LARP1: variants seen among roughly 807,000 people sequenced by gnomAD.
LARP1 encodes the protein la-related protein 1.
In LARP1, 36 loss-of-function variants were observed where a neutral mutation model predicts 122.7. The ratio of observed to expected loss-of-function variants is 0.29; its 90% CI spans 0.22 to 0.39. The LOEUF (loss-of-function observed/expected upper bound fraction) is 0.39, where lower values mean the gene tolerates loss of function less well. LARP1 is among the 10% of genes least tolerant of loss of function. The pLI, the probability that LARP1 is intolerant of heterozygous loss-of-function variation, is 1.00. For missense variants in LARP1, 1,040 were observed against 1,403.6 expected (o/e 0.74, Z 4.14); for synonymous variants, 539 against 528.7 (o/e 1.02, Z -0.27).
chr5:154,796,753 A>G (rs1757891091), intron 8 of LARP1, among the ~76,000 whole-genome samples: 1 of 152,198 alleles, frequency 6.6e-6, no homozygotes, highest in Non-Finnish European at 1.5e-5. Context: ...CTCTTCAAGA[A>G]GTAACTTTGC....
At chr5:154,798,213 A>G (rs1758046278) in intron 8 of LARP1, among the ~76,000 whole-genome samples, 1 of 152,240 alleles carries the variant, frequency 6.6e-6, no homozygotes. Flanking sequence ...TCAGCATGGT[A>G]TAGTCATAGA....
intron 1 of LARP1, among the ~76,000 whole-genome samples, chr5:154,719,725 G>A (rs779955592): frequency 3.3e-5 from 5 of 151,898 alleles, no homozygotes; most frequent in African/African-American, 1.2e-4. Context: ...AGCTGGACAC[G>A]GTGGCACATG....
At chr5:154,792,550 C>T (rs965190584) in intron 3 of LARP1, 72 bp from the exon 4 acceptor site, 114 of 1,388,948 alleles carry the variant, frequency 8.2e-5, no homozygotes, top group Non-Finnish European at 1.0e-4. Flanking sequence ...CTTCTAGTGA[C>T]AGGGAGTGCC....
chr5:154,706,707 A>G (rs953556828), intron 1 of LARP1, among the ~76,000 whole-genome samples: 5 of 152,080 alleles, frequency 3.3e-5, no homozygotes, highest in Admixed American at 6.6e-5. Flanking sequence ...CCCTGAACCT[A>G]AAATAAAAGT....
At position 154,804,436 on chromosome 5, in the gene LARP1, AC is replaced by A. The variant is rs1324247141; in HGVS notation, c.2546+131del. ...CCCTCATCTAAGAGGTTTTCAAAAA[AC>A]CAGTGGTGTGGAAAGCTCAGCCCAG... On this transcript the variant is annotated intron_variant, in intron 14 of 18. Transcript: ENST00000518297. 2.1e-5 allele frequency: 15 copies of A among 717,650 alleles called. No homozygotes were observed. In the African/African-American group the frequency reaches 2.3e-4, roughly 11 times the overall value. The allele number at this position is 717,650 out of a possible 1,614,324, so 44.5% of individuals were successfully genotyped here.
At chr5:154,748,894 A>AG (rs1351869284) in intron 1 of LARP1, among the ~76,000 whole-genome samples, 1 of 152,210 alleles carries the variant, frequency 6.6e-6, no homozygotes, top group Admixed American at 6.5e-5. Flanking sequence ...TGGGGCCCAC[A>AG]GGGGTTTACA....
intron 10 of LARP1, 21 bp from the exon 11 acceptor site, chr5:154,801,986 C>G: frequency 6.3e-7 from 1 of 1,584,794 alleles, no homozygotes; most frequent in South Asian, 1.2e-5. Flanking sequence ...TTCCTTTTCC[C>G]CTTCGTCTGT....
At chr5:154,692,988 A>ATTTTTTTT (rs113484244) in intron 1 of LARP1, among the ~76,000 whole-genome samples, 1 of 141,972 alleles carries the variant, frequency 7.0e-6, no homozygotes, top group Non-Finnish European at 1.5e-5. Flanking sequence ...TTAATTTTTA[A>ATTTTTTTT]TTATTTTTTT....
intron 1 of LARP1, among the ~76,000 whole-genome samples, chr5:154,707,321 C>T (rs1036290838): frequency 6.6e-6 from 1 of 152,182 alleles, no homozygotes; most frequent in South Asian, 2.1e-4. Flanking sequence ...TATTTTTCAA[C>T]CCCTTGCAGT....
intron 1 of LARP1, among the ~76,000 whole-genome samples, chr5:154,759,435 A>C (rs975791732): frequency 6.6e-6 from 1 of 152,226 alleles, no homozygotes; most frequent in African/African-American, 2.4e-5. Context: ...CATGAAGGGC[A>C]TGGATGGATA....
chr5:154,707,038 T>C (rs1315013256), intron 1 of LARP1, among the ~76,000 whole-genome samples: 1 of 152,222 alleles, frequency 6.6e-6, no homozygotes, highest in African/African-American at 2.4e-5. Context: ...AAAATGCTTT[T>C]GTCTGTCTCT....
intron 1 of LARP1, among the ~76,000 whole-genome samples, chr5:154,758,212 T>A (rs1754159199): frequency 6.6e-6 from 1 of 152,008 alleles, no homozygotes; most frequent in South Asian, 2.1e-4. Flanking sequence ...CCAGGAGCCC[T>A]TGATAGTGTG....
At chr5:154,806,376 CAT>C (rs1350459194) in intron 15 of LARP1, among the ~76,000 whole-genome samples, 2 of 152,314 alleles carry the variant, frequency 1.3e-5, no homozygotes, top group South Asian at 2.1e-4. Flanking sequence ...TAAGAGGTGA[CAT>C]ATGCTCTCTA....
intron 1 of LARP1, chr5:154,685,936 G>A (rs4958759): frequency 4.2e-6 from 2 of 477,890 alleles, no homozygotes; most frequent in South Asian, 3.2e-5. Context: ...TCGTGATTCG[G>A]TTAATCCTCC....
chr5:154,747,083 T>C (rs910025232), intron 1 of LARP1, among the ~76,000 whole-genome samples: 25 of 151,926 alleles, frequency 1.6e-4, no homozygotes, highest in Non-Finnish European at 7.4e-5. Flanking sequence ...TGAGCCGAGA[T>C]CGTGCCACTG....
chr5:154,814,199 T>A lies in LARP1; in HGVS notation c.*103T>A. ...AAAGGGGACAATGAAGGGACAGGCC[T>A]GGAGTTACTAGGACAGGCCTTTGTG... is the stretch of plus-strand genomic sequence containing the variant. On this transcript the variant is annotated 3_prime_UTR_variant, in exon 19 of 19. Coordinates refer to ENST00000518297, the MANE Select transcript of LARP1 (RefSeq NM_033551.3). 1 of 1,188,026 alleles carries A rather than the reference T, an allele frequency of 8.4e-7. No individual in the cohort carries two copies. Among genetic ancestry groups the A allele is most frequent in the Non-Finnish European group, 1.2e-6 (1 of 827,028 alleles). The allele number at this position is 1,188,026 out of a possible 1,614,324, so 73.6% of individuals were successfully genotyped here. A position where few individuals can be genotyped will look rare whatever the true frequency, so the allele number is the denominator to read the frequency against.
At chr5:154,787,500 A>G (rs564244376) in intron 1 of LARP1, among the ~76,000 whole-genome samples, 1 of 152,342 alleles carries the variant, frequency 6.6e-6, no homozygotes, top group South Asian at 2.1e-4. Flanking sequence ...CAGAAAGCCT[A>G]GTCGTCTTTC....
chr5:154,789,083 C>T lies in LARP1; in HGVS notation c.437-1242C>T, dbSNP rs192669465. 5.5e-3 allele frequency among the ~76,000 whole-genome samples: 840 copies of T among 151,902 alleles called. 10 individuals are homozygous for T. Among genetic ancestry groups the T allele is most frequent in the African/African-American group, 0.019 (772 of 41,482 alleles). On this transcript the variant is annotated intron_variant, in intron 1 of 18. Coordinates refer to ENST00000518297, the MANE Select transcript of LARP1 (RefSeq NM_033551.3). ...AAAATGAGCTGGGCATGGTGGCGCG[C>T]ACTTGCAGTCCCAGCTACTTGGGAG...
chr5:154,797,155 T>C (rs1371076525), intron 8 of LARP1, among the ~76,000 whole-genome samples: 1 of 151,914 alleles, frequency 6.6e-6, no homozygotes, highest in East Asian at 1.9e-4. Flanking sequence ...TCATTCTTTC[T>C]AGATGATTTT....
Sources: gnomAD v4.1 joint callset for allele counts (sites outside exome capture counted in the v4.1 genomes callset) on GRCh38, gnomAD v4.1.1 for gene constraint, MANE v1.5 for transcripts, NCBI Gene and HGNC (gene_info 2026-07-23, HGNC 2026-07-21) for gene names.